The following WDR47 variants were observed in gnomAD, a reference collection of about 807,000 sequenced individuals.
WDR47 encodes the protein WD repeat domain 47.
Under a neutral mutation model 97.2 loss-of-function variants are expected in WDR47, and 32 were observed. The observed-to-expected ratio is 0.33, with a 90% CI of 0.25 to 0.44. WDR47 has a LOEUF of 0.44. WDR47 is among the 20% of genes least tolerant of loss of function. The pLI is 1.00. For synonymous variants in WDR47, 375 were observed against 373.5 expected, an observed-to-expected ratio of 1.00 and a Z score of -0.05; for missense variants, 782 against 1,102.3, an observed-to-expected ratio of 0.71 and a Z score of 4.11.
chr1:109,001,307 A>T (rs1660168654), intron 7 of WDR47, among the ~76,000 whole-genome samples: 1 of 151,988 alleles, frequency 6.6e-6, no homozygotes. Flanking sequence ...ATAAATCAAT[A>T]AATTAATTAA....
intron 1 of WDR47, among the ~76,000 whole-genome samples, chr1:109,026,915 G>C (rs1182212239): frequency 6.6e-6 from 1 of 152,014 alleles, no homozygotes; most frequent in East Asian, 1.9e-4. Flanking sequence ...TATACTGACA[G>C]TTGAAGGTAA....
chr1:108,998,575 T>A (rs2101890381), intron 7 of WDR47, among the ~76,000 whole-genome samples: 1 of 152,258 alleles, frequency 6.6e-6, no homozygotes, highest in Non-Finnish European at 1.5e-5. Flanking sequence ...AGAGGCTGAA[T>A]ACGCCTATTA....
chr1:108,976,505 T>A (rs566214042), intron 13 of WDR47, among the ~76,000 whole-genome samples: 6 of 152,302 alleles, frequency 3.9e-5, no homozygotes, highest in African/African-American at 1.4e-4. Context: ...TATTAAATCA[T>A]TACTCCCTTA....
intron 1 of WDR47, among the ~76,000 whole-genome samples, chr1:109,036,118 C>A (rs1482367855): frequency 2.0e-5 from 3 of 152,180 alleles, no homozygotes; most frequent in Admixed American, 2.0e-4. Flanking sequence ...ACAGGATTAA[C>A]TGCTTTGTTT....
Position 108,971,342 on chromosome 1 carries a change from A to C in WDR47, c.*88T>G. ...TCTTCGTGCTAAACCACTTTCCTGG[A>C]CACTATGTTCTTCAGATTTGTAATT... On this transcript the variant is annotated 3_prime_UTR_variant, in exon 15 of 15. Transcript: ENST00000369962. The C allele has an allele frequency of 6.4e-7, 1 of 1,559,686 alleles. No homozygotes were observed. The highest frequency in any genetic ancestry group is 8.7e-7 in the Non-Finnish European group (1 of 1,145,274).
intron 8 of WDR47, among the ~76,000 whole-genome samples, chr1:108,994,683 C>G (rs1189603994): frequency 1.3e-5 from 2 of 151,956 alleles, no homozygotes; most frequent in Non-Finnish European, 2.9e-5. Flanking sequence ...TATTTTAAGC[C>G]TTGAAGTACT....
At chr1:108,997,797 AG>A (rs1471482305) in intron 7 of WDR47, among the ~76,000 whole-genome samples, 2 of 150,646 alleles carry the variant, frequency 1.3e-5, no homozygotes, top group Non-Finnish European at 1.5e-5. Context: ...AGGAAAGGAA[AG>A]GGGAAAGGGG....
chr1:108,983,549 A>G (rs1287012645), intron 10 of WDR47, 98 bp from the exon 11 acceptor site: 3 of 1,047,718 alleles, frequency 2.9e-6, no homozygotes, highest in African/African-American at 1.6e-5. Context: ...AAGGAGAAAA[A>G]GCGTGTCAGA....
At chr1:109,016,073 G>A (rs905631268) in intron 3 of WDR47, among the ~76,000 whole-genome samples, 2 of 151,692 alleles carry the variant, frequency 1.3e-5, no homozygotes, top group African/African-American at 4.8e-5. Flanking sequence ...TTCACACAGT[G>A]TGAGCTAGAA....
intron 3 of WDR47, among the ~76,000 whole-genome samples, chr1:109,016,877 T>C (rs1329108498): frequency 6.6e-6 from 1 of 151,554 alleles, no homozygotes; most frequent in Non-Finnish European, 1.5e-5. Context: ...AAGTCCAAAT[T>C]ACCAAACAAG....
intron 5 of WDR47, among the ~76,000 whole-genome samples, chr1:109,006,233 A>G (rs1053353125): frequency 6.6e-6 from 1 of 152,102 alleles, no homozygotes; most frequent in Non-Finnish European, 1.5e-5. Flanking sequence ...CGTCTCTACT[A>G]AAAATACAAA....
intron 5 of WDR47, among the ~76,000 whole-genome samples, chr1:109,006,330 T>C (rs538199140): frequency 7.3e-4 from 111 of 151,740 alleles, no homozygotes; most frequent in Non-Finnish European, 1.3e-3. Flanking sequence ...GAGGCGGAGG[T>C]TGTGGTGAGC....
intron 13 of WDR47, 116 bp downstream of exon 13, chr1:108,981,617 A>G (rs1658352800): frequency 1.0e-6 from 1 of 994,530 alleles, no homozygotes; most frequent in Non-Finnish European, 1.4e-6. Flanking sequence ...AACTAATAAA[A>G]TATCAAGTAT....
chr1:108,992,954 T>G, intron 8 of WDR47: 3 of 732,512 alleles, frequency 4.1e-6, no homozygotes, highest in Non-Finnish European at 6.7e-6. Flanking sequence ...AGTTTCCAAC[T>G]TAAAAGGGCC....
chr1:109,023,653 T>C (rs1000339852), intron 1 of WDR47, 132 bp from the exon 2 acceptor site: 7 of 895,098 alleles, frequency 7.8e-6, no homozygotes, highest in African/African-American at 1.7e-5. Context: ...GTTAACTTAG[T>C]ATTTATCAAA....
chr1:109,015,899 C>T (rs1452991821), intron 3 of WDR47, among the ~76,000 whole-genome samples: 1 of 149,030 alleles, frequency 6.7e-6, no homozygotes, highest in East Asian at 2.0e-4. Context: ...AGGAGAATCG[C>T]TTGAACCTGG....
chr1:109,040,274 T>A (rs1663264940), intron 1 of WDR47, among the ~76,000 whole-genome samples: 1 of 152,210 alleles, frequency 6.6e-6, no homozygotes. Flanking sequence ...CATCTTTTCA[T>A]AACTAAAGCG....
intron 2 of WDR47, 151 bp from the exon 3 acceptor site, chr1:109,017,752 T>G (rs1217040191): frequency 3.1e-5 from 4 of 128,942 alleles, no homozygotes; most frequent in Non-Finnish European, 4.5e-5. Context: ...TTTTCATAAT[T>G]TTTTTTTTTT....
chr1:108,993,061 C>T (rs1282431940), intron 8 of WDR47, among the ~76,000 whole-genome samples: 2 of 151,980 alleles, frequency 1.3e-5, no homozygotes, highest in Non-Finnish European at 2.9e-5. Context: ...AGAGAAGAAC[C>T]TGAAAAATTC....
Sources: gnomAD v4.1 joint callset for allele counts (sites outside exome capture counted in the v4.1 genomes callset) on GRCh38, gnomAD v4.1.1 for gene constraint, MANE v1.5 for transcripts, NCBI Gene and HGNC (gene_info 2026-07-23, HGNC 2026-07-21) for gene names.